DCAF17: variants seen among roughly 807,000 people sequenced by gnomAD.
DCAF17 encodes DDB1- and CUL4-associated factor 17.
In DCAF17, 48 loss-of-function variants were observed where a neutral mutation model predicts 66.0. The ratio of observed to expected loss-of-function variants is 0.73; its 90% CI spans 0.58 to 0.92. The LOEUF is 0.92. DCAF17 is among the 40% of genes least tolerant of loss of function. DCAF17 has a pLI of 0.00. For missense variants in DCAF17, 562 were observed against 622.8 expected (o/e 0.90, Z 1.04); for synonymous variants, 206 against 214.6 (o/e 0.96, Z 0.35).
At chr2:171,458,670 C>T (rs1695401729) in intron 8 of DCAF17, among the ~76,000 whole-genome samples, 193 bp downstream of exon 8, 2 of 152,120 alleles carry the variant, frequency 1.3e-5, no homozygotes, top group African/African-American at 4.8e-5. Flanking sequence ...TTCATTGAAC[C>T]AAAGGCCTGG....
In DCAF17 at chr2:171,484,585, T is replaced by A. The variant is rs1215416133; in HGVS notation, c.*3471T>A. The stretch of plus-strand genomic sequence containing the variant: ...GTTTAGTATTTATTTAGTTTTTAAA[T>A]TTTTTTGATTTAAGATTTACCTGCA... On this transcript the variant is annotated 3_prime_UTR_variant, in exon 14 of 14. Transcript: ENST00000375255. The A allele has an allele frequency of 2.2e-6, 1 of 451,492 alleles. No individual in the cohort carries two copies. The highest frequency in any genetic ancestry group is 4.4e-6 in the Non-Finnish European group (1 of 226,100). 28.0% of individuals were successfully genotyped at this position (451,492 alleles called of 1,614,324 possible). A position where few individuals can be genotyped will look rare whatever the true frequency, so the allele number is the denominator to read the frequency against.
chr2:171,451,756 A>G (rs888816900), intron 5 of DCAF17, among the ~76,000 whole-genome samples: 19 of 151,846 alleles, frequency 1.3e-4, no homozygotes, highest in African/African-American at 3.4e-4. Context: ...TTGTATTTTT[A>G]CTAGAGACGG....
intron 5 of DCAF17, among the ~76,000 whole-genome samples, chr2:171,450,610 C>G (rs911937320): frequency 2.6e-5 from 4 of 152,032 alleles, no homozygotes; most frequent in Non-Finnish European, 5.9e-5. Context: ...ATATAGACTG[C>G]TTTTAGAGGT....
At chr2:171,477,067 A>G in intron 11 of DCAF17, 117 bp downstream of exon 11, 1 of 772,862 alleles carries the variant, frequency 1.3e-6, no homozygotes, top group Non-Finnish European at 2.2e-6. Context: ...GCCCTATAAA[A>G]GTCTGTACAT....
In DCAF17 at chr2:171,478,063, A is replaced by C. The variant is rs1250054077; in HGVS notation, c.1259A>C (p.Glu420Ala). The C allele has an allele frequency of 6.2e-7, 1 of 1,613,688 alleles. No homozygotes were observed. Among genetic ancestry groups the C allele is most frequent in the Non-Finnish European group, 8.5e-7 (1 of 1,179,652 alleles). Reference sequence around the variant, plus strand: ...TTTAACCTTCTGGATGATGACCCAGAACAAGAGGTATTGCTTTGGCCAGAG... The same window carrying C: ...TTTAACCTTCTGGATGATGACCCAGCACAAGAGGTATTGCTTTGGCCAGAG... ...KSFNLLDDDP[E>A]QETFKIVDYE... Residue 420 changes from glutamate to alanine, a missense_variant, in exon 12 of 14, where the codon GAA becomes GCA. Glu to Ala is a moderately radical substitution (Grantham distance 107). This residue lies in a region of DCAF17 where 201 missense variants were observed against 231.1 expected (regional missense o/e 0.87). Coordinates refer to ENST00000375255, the MANE Select transcript of DCAF17 (RefSeq NM_025000.4).
Position 171,458,353 on chromosome 2 carries a change from TG to T in DCAF17, c.733-18del. 6.3e-7 allele frequency: 1 copy of T among 1,599,010 alleles called. No homozygotes were observed. The highest frequency in any genetic ancestry group is 8.6e-7 in the Non-Finnish European group (1 of 1,166,314). On this transcript the variant is annotated intron_variant, in intron 7 of 13. Coordinates refer to ENST00000375255, the MANE Select transcript of DCAF17 (RefSeq NM_025000.4). ...AAATAGGTGCTAAAGCCACCATTTT[TG>T]TTTTGTTTTGTTTTTAGTTCATGCA...
At chr2:171,435,736 C>G (rs998486319) in intron 2 of DCAF17, among the ~76,000 whole-genome samples, 1 of 152,070 alleles carries the variant, frequency 6.6e-6, no homozygotes, top group African/African-American at 2.4e-5. Flanking sequence ...TTTATCTAAC[C>G]CACTTTTCCT....
intron 3 of DCAF17, among the ~76,000 whole-genome samples, chr2:171,447,686 G>A (rs75189609): frequency 0.2 from 30,184 of 152,076 alleles, 3,136 homozygotes; most frequent in South Asian, 0.28. Flanking sequence ...TTTTTATCTA[G>A]AAACAGAGTC....
intron 4 of DCAF17, 23 bp downstream of exon 4, chr2:171,448,840 T>C: frequency 6.2e-7 from 1 of 1,601,272 alleles, no homozygotes; most frequent in Non-Finnish European, 8.6e-7. Flanking sequence ...AATTTATTAT[T>C]CAAGATTTTA....
At chr2:171,479,826 G>GCT in intron 12 of DCAF17, 3 of 530,074 alleles carry the variant, frequency 5.7e-6, no homozygotes, top group Non-Finnish European at 3.3e-6. Flanking sequence ...TATCAAATCT[G>GCT]TAGGATACTG....
At position 171,473,869 on chromosome 2, in the gene DCAF17, A is replaced by G; in HGVS notation, c.985A>G (p.Lys329Glu). ...TAATACTTTTTTCCAACTTCAGGCAAAAAATGGGATCCAAGAAATGGATTG... is the reference window on the plus strand; with the variant it reads ...TAATACTTTTTTCCAACTTCAGGCAGAAAATGGGATCCAAGAAATGGATTG... ...ICALKDNSLA[K>E]NGIQEMDCCS... Residue 329 changes from lysine (K) to glutamate (E), a missense_variant, in exon 10 of 14, where the codon AAA becomes GAA. Transcript: ENST00000375255. 1 of 1,613,370 alleles carries G rather than the reference A, an allele frequency of 6.2e-7. No individual in the cohort carries two copies. Among genetic ancestry groups the G allele is most frequent in the Non-Finnish European group, 8.5e-7 (1 of 1,179,576 alleles).
chr2:171,456,598 G>T (rs1018663819), intron 6 of DCAF17, among the ~76,000 whole-genome samples: 4 of 152,176 alleles, frequency 2.6e-5, no homozygotes, highest in African/African-American at 9.7e-5. Flanking sequence ...GGCCAATATG[G>T]CCATTTTAAT....
intron 9 of DCAF17, among the ~76,000 whole-genome samples, chr2:171,470,872 C>G (rs1696206895): frequency 6.6e-6 from 1 of 152,000 alleles, no homozygotes; most frequent in African/African-American, 2.4e-5. Context: ...ATTCAACCAA[C>G]TATGGATTGG....
At chr2:171,459,200 C>T (rs1300696668) in intron 8 of DCAF17, among the ~76,000 whole-genome samples, 6 of 151,964 alleles carry the variant, frequency 3.9e-5, no homozygotes, top group Non-Finnish European at 2.9e-5. Flanking sequence ...CCCACCTACT[C>T]GCAAGGGAGG....
chr2:171,468,443 G>A (rs969460752), intron 8 of DCAF17, among the ~76,000 whole-genome samples: 1 of 152,104 alleles, frequency 6.6e-6, no homozygotes, highest in Non-Finnish European at 1.5e-5. Context: ...GGATGTGGAA[G>A]ATCTCTTCCT....
intron 13 of DCAF17, 142 bp from the exon 14 acceptor site, chr2:171,480,832 G>T: frequency 9.6e-7 from 1 of 1,047,002 alleles, no homozygotes; most frequent in South Asian, 1.4e-5. Context: ...CACAAATAAT[G>T]AAAAATAAAC....
intron 9 of DCAF17, among the ~76,000 whole-genome samples, chr2:171,471,370 C>T (rs1382943005): frequency 3.9e-5 from 6 of 152,046 alleles, no homozygotes. Context: ...AACATTTGAG[C>T]AAATAAAAAC....
At chr2:171,473,803 A>G in intron 9 of DCAF17, 63 bp from the exon 10 acceptor site, 3 of 1,325,794 alleles carry the variant, frequency 2.3e-6, no homozygotes, top group Non-Finnish European at 3.2e-6. Flanking sequence ...CACTTGGGTT[A>G]GATTTGTAAA....
intron 8 of DCAF17, 32 bp from the exon 9 acceptor site, chr2:171,468,856 C>T (rs1187712617): frequency 1.2e-6 from 2 of 1,613,898 alleles, no homozygotes; most frequent in Non-Finnish European, 1.7e-6. Flanking sequence ...CAGAACAGTG[C>T]AGCTAATGAA....
Sources: allele counts gnomAD v4.1 joint callset (sites outside exome capture counted in the v4.1 genomes callset), GRCh38; gene constraint gnomAD v4.1.1; regional missense constraint gnomAD v4.1.1; transcripts MANE v1.5; gene names NCBI Gene and HGNC (gene_info 2026-07-23, HGNC 2026-07-21).